The following ENPP7 variants were observed in gnomAD, a reference collection of about 807,000 sequenced individuals.
The protein encoded by ENPP7 is ectonucleotide pyrophosphatase/phosphodiesterase family member 7.
In ENPP7, 39 loss-of-function variants were observed where a neutral mutation model predicts 33.6. That is an observed-to-expected ratio of 1.16 (90% CI 0.90 to 1.52). The LOEUF (loss-of-function observed/expected upper bound fraction) is 1.52, where lower values mean the gene tolerates loss of function less well. Among genes scored for constraint, ENPP7 ranks in the 40% most tolerant of loss-of-function variants. The probability of loss-of-function intolerance (pLI) is 0.00; values close to 1 mark genes in which losing one functional copy is unlikely to be tolerated. For synonymous variants in ENPP7, 244 were observed against 274.3 expected (o/e 0.89, Z 1.09); for missense variants, 594 against 641.0 (o/e 0.93, Z 0.79).
At chr17:79,731,732 T>G (rs557797033) in intron 1 of ENPP7, among the ~76,000 whole-genome samples, 2 of 152,270 alleles carry the variant, frequency 1.3e-5, no homozygotes, top group African/African-American at 4.8e-5. Flanking sequence ...TTCCATCCTT[T>G]CCATTTTCCA....
chr17:79,741,576 C>T (rs1054253364), intron 5 of ENPP7, among the ~76,000 whole-genome samples: 15 of 152,010 alleles, frequency 9.9e-5, no homozygotes, highest in African/African-American at 3.4e-4. Context: ...GCACCTGTGC[C>T]CTCCCAGGAA....
At position 79,738,089 on chromosome 17, in the gene ENPP7, G is replaced by A. The variant is rs782332578; in HGVS notation, c.*16+27G>A. On this transcript the variant is annotated intron_variant, in intron 5 of 5. Coordinates refer to ENST00000328313, the MANE Select transcript of ENPP7 (RefSeq NM_178543.5). The surrounding 1 kb of genome is among the most constrained non-coding windows in gnomAD (Gnocchi z 6.2). ...TCAGAGACCCAGAAGGCAGAGGCGGGAGGGTGGCCCCACGCTCCCTGACCC... is the reference window on the plus strand; with the variant it reads ...TCAGAGACCCAGAAGGCAGAGGCGGAAGGGTGGCCCCACGCTCCCTGACCC... The A allele has an allele frequency of 1.0e-5, 16 of 1,597,860 alleles. No individual in the cohort carries two copies. The highest frequency in any genetic ancestry group is 8.9e-5 in the East Asian group (4 of 44,766).
intron 5 of ENPP7, among the ~76,000 whole-genome samples, chr17:79,741,090 T>G (rs1905490610): frequency 6.6e-6 from 1 of 151,942 alleles, no homozygotes; most frequent in African/African-American, 2.4e-5. Context: ...GCTCAAGCAA[T>G]CCTCCCATCT....
chr17:79,741,367 C>G (rs1009852976), intron 5 of ENPP7, among the ~76,000 whole-genome samples: 1 of 152,206 alleles, frequency 6.6e-6, no homozygotes, highest in Admixed American at 6.5e-5. Context: ...GGAACGGACG[C>G]AGTCCTTGCC....
chr17:79,735,746 CCAGGGT>C lies in ENPP7; in HGVS notation c.1026+79_1026+84del. 1 of 1,324,142 alleles carries C rather than the reference CCAGGGT, an allele frequency of 7.6e-7. No individual in the cohort carries two copies. Among genetic ancestry groups the C allele is most frequent in the Admixed American group, 2.3e-5 (1 of 43,952 alleles). 82.0% of individuals were successfully genotyped at this position (1,324,142 alleles called of 1,614,324 possible). ...GGGTCTTCTTTTTTTTTTTTTGAGA[CCAGGGT>C]CTTGCTCTGTTGCCCAGGCTGGAGT... On this transcript the variant is annotated intron_variant, in intron 3 of 5. Transcript: ENST00000328313. The surrounding 1 kb of genome is among the most constrained non-coding windows in gnomAD (Gnocchi z 5.5).
intron 5 of ENPP7, among the ~76,000 whole-genome samples, chr17:79,741,093 TC>T (rs1339517946): frequency 6.6e-6 from 1 of 152,050 alleles, no homozygotes; most frequent in East Asian, 1.9e-4. Flanking sequence ...CAAGCAATCC[TC>T]CCATCTCAGC....
chr17:79,734,042 A>G (rs1354411889), intron 2 of ENPP7, among the ~76,000 whole-genome samples: 2 of 152,102 alleles, frequency 1.3e-5, no homozygotes, highest in African/African-American at 2.4e-5. Flanking sequence ...TAACAATTAG[A>G]CGACTTTCTC....
At position 79,735,078 on chromosome 17, in the gene ENPP7, G is replaced by A. The variant is rs143305291; in HGVS notation, c.435G>A (p.Gly145=). 6.2e-5 allele frequency: 100 copies of A among 1,613,046 alleles called. 1 individual carries two copies. Among genetic ancestry groups the A allele is most frequent in the Admixed American group, 1.8e-4 (11 of 60,028 alleles). ...LRAGSFFYPG[G]NVTYQGVAVT... is the part of the protein sequence containing the mutation. Reference sequence around the variant, plus strand: ...CTGGCTCCTTCTTCTACCCGGGCGGGAACGTCACCTACCAAGGGGTGGCTG... The same window carrying A: ...CTGGCTCCTTCTTCTACCCGGGCGGAAACGTCACCTACCAAGGGGTGGCTG... Residue 145 remains glycine (G), a synonymous_variant, in exon 3 of 6, where the codon GGG becomes GGA. Transcript: ENST00000328313. The surrounding 1 kb of genome is among the most constrained non-coding windows in gnomAD (Gnocchi z 5.5).
In ENPP7 at chr17:79,735,492, C is replaced by A. The variant is rs149462169; in HGVS notation, c.849C>A (p.Asn283Lys). The change falls in exon 3 of 6, where the codon AAC (asparagine) becomes AAA (lysine). Residue 283 changes from asparagine to lysine, a missense_variant. Physicochemically the swap from Asn to Lys is moderately conservative, Grantham distance 94. Coordinates refer to ENST00000328313, the MANE Select transcript of ENPP7 (RefSeq NM_178543.5). The surrounding 1 kb of genome is among the most constrained non-coding windows in gnomAD (Gnocchi z 5.5). ...IEFELLDYGP[N>K]GMLLPKEGRL... ...TTGAGCTCCTGGACTACGGACCAAA[C>A]GGGATGCTGCTCCCTAAAGAAGGGA... The A allele has an allele frequency of 6.2e-7, 1 of 1,614,076 alleles. No homozygotes were observed. The highest frequency in any genetic ancestry group is 1.1e-5 in the South Asian group (1 of 91,082).
At chr17:79,736,062 C>T (rs2094295138) in intron 3 of ENPP7, among the ~76,000 whole-genome samples, 1 of 152,186 alleles carries the variant, frequency 6.6e-6, no homozygotes. Flanking sequence ...TGCCACCATG[C>T]CTGACTAATT....
chr17:79,736,175 G>A (rs2094295387), intron 3 of ENPP7, among the ~76,000 whole-genome samples: 1 of 152,058 alleles, frequency 6.6e-6, no homozygotes, highest in African/African-American at 2.4e-5. Context: ...AAAGTTATGG[G>A]ATTCAGGTGT....
Position 79,731,211 on chromosome 17 carries a change from A to G in ENPP7, c.72A>G (p.Val24=). 1.9e-6 allele frequency: 3 copies of G among 1,612,436 alleles called. No individual in the cohort carries two copies. The highest frequency in any genetic ancestry group is 2.5e-6 in the Non-Finnish European group (3 of 1,179,932). Residue 24 remains valine (V), a synonymous_variant, in exon 1 of 6, where the codon GTA becomes GTG. Transcript: ENST00000328313. ...TLLAPGAGAP[V]QSQGSQNKLL... ...TGGCTCCCGGGGCCGGAGCACCGGT[A>G]CAAAGTCAGGGCTCCCAGAACAAGC...
Position 79,731,253 on chromosome 17 carries a change from C to A in ENPP7, c.114C>A (p.Phe38Leu). 6.2e-7 allele frequency: 1 copy of A among 1,613,650 alleles called. No homozygotes were observed. The highest frequency in any genetic ancestry group is 8.5e-7 in the Non-Finnish European group (1 of 1,179,986). ...AGAACAAGCTGCTCCTGGTGTCCTT[C>A]GACGGCTTCCGCTGGAACTACGACC... ...GSQNKLLLVSFDGFRWNYDQD... is the reference protein window; with the variant it reads ...GSQNKLLLVSLDGFRWNYDQD... Residue 38 changes from phenylalanine to leucine, a missense_variant, in exon 1 of 6, where the codon TTC becomes TTA. Physicochemically the swap from Phe to Leu is conservative, Grantham distance 22. Transcript: ENST00000328313.
chr17:79,731,567 A>T (rs1555822520), intron 1 of ENPP7, among the ~76,000 whole-genome samples, 175 bp downstream of exon 1: 1 of 138,936 alleles, frequency 7.2e-6, no homozygotes, highest in East Asian at 2.0e-4. Context: ...ACAAAGAAAA[A>T]TGACCAGGGG....
At position 79,735,286 on chromosome 17, in the gene ENPP7, A is replaced by G. The variant is rs1381887341; in HGVS notation, c.643A>G (p.Met215Val). ...CCCCGAGTCCCCGGAGAGGAGGGAG[A>G]TGGTGCGGCAGGTGGACCGGACCGT... is the stretch of plus-strand genomic sequence containing the variant. ...YGPESPERRE[M>V]VRQVDRTVGY... is the part of the protein sequence containing the mutation. Residue 215 changes from methionine to valine, a missense_variant, in exon 3 of 6, where the codon ATG becomes GTG. By Grantham distance (21) the Met-to-Val change is conservative. Around this residue, in one of 3 missense-constraint regions of ENPP7, gnomAD observed 504 missense variants for 512.8 expected, o/e 0.98. Coordinates refer to ENST00000328313, the MANE Select transcript of ENPP7 (RefSeq NM_178543.5). This position sits in a 1 kb window ranked among gnomAD's most constrained non-coding sequence, Gnocchi z 5.5. 1 of 1,613,442 alleles carries G rather than the reference A, an allele frequency of 6.2e-7. No homozygotes were observed. Among genetic ancestry groups the G allele is most frequent in the Non-Finnish European group, 8.5e-7 (1 of 1,180,032 alleles).
Position 79,733,505 on chromosome 17 carries a change from C to G in ENPP7, c.254-3C>G. 6.2e-7 allele frequency: 1 copy of G among 1,612,470 alleles called. No individual in the cohort carries two copies. Among genetic ancestry groups the G allele is most frequent in the Non-Finnish European group, 8.5e-7 (1 of 1,179,462 alleles). ...CCGCCCTCTGCACCTCTTCCTCCCTCAGGCAAATATATCGAGAACCACGGG... is the reference window on the plus strand; with the variant it reads ...CCGCCCTCTGCACCTCTTCCTCCCTGAGGCAAATATATCGAGAACCACGGG... On this transcript the variant is annotated splice_region_variant and splice_polypyrimidine_tract_variant and intron_variant, in intron 1 of 5. Coordinates refer to ENST00000328313, the MANE Select transcript of ENPP7 (RefSeq NM_178543.5).
Position 79,735,687 on chromosome 17 carries a change from G to C in ENPP7, c.1026+18G>C. The C allele has an allele frequency of 1.9e-6, 3 of 1,591,986 alleles. No homozygotes were observed. Among genetic ancestry groups the C allele is most frequent in the Non-Finnish European group, 2.6e-6 (3 of 1,166,678 alleles). The stretch of plus-strand genomic sequence containing the variant: ...TCCATGGGGTGAGTCGCCTGCTGGA[G>C]GCACCACCTCCAGGGGCTCCCTCCC... On this transcript the variant is annotated intron_variant, in intron 3 of 5. Transcript: ENST00000328313. The surrounding 1 kb of genome is among the most constrained non-coding windows in gnomAD (Gnocchi z 5.5).
Position 79,737,864 on chromosome 17 carries a change from TG to T in ENPP7, c.1247-48del. The T allele has an allele frequency of 6.3e-7, 1 of 1,598,578 alleles. No homozygotes were observed. On this transcript the variant is annotated intron_variant, in intron 4 of 5. Coordinates refer to ENST00000328313, the MANE Select transcript of ENPP7 (RefSeq NM_178543.5). The surrounding 1 kb of genome is among the most constrained non-coding windows in gnomAD (Gnocchi z 5.5). ...GACCCCGAGTTTACTGTGGAGAGGCTGGGGTGAGGAGCCATCCCTCTCTCCC... is the reference window on the plus strand; with the variant it reads ...GACCCCGAGTTTACTGTGGAGAGGCTGGGTGAGGAGCCATCCCTCTCTCCC...
rs1555823264 is a variant in ENPP7, at chr17:79,735,214, G to T, written c.571G>T (p.Val191Phe). 5 of 1,613,452 alleles carry T rather than the reference G, an allele frequency of 3.1e-6. No homozygotes were observed. The highest frequency in any genetic ancestry group is 1.6e-4 in the Middle Eastern group (1 of 6,062). ...AWFTEEDLDL[V>F]TLYFGEPDST... ...GTTCACAGAGGAGGACCTGGATCTG[G>T]TCACACTCTACTTCGGGGAGCCGGA... The change falls in exon 3 of 6, where the codon GTC (valine) becomes TTC (phenylalanine). Residue 191 changes from valine to phenylalanine, a missense_variant. By Grantham distance (50) the Val-to-Phe change is conservative. This residue lies in a region of ENPP7 where 504 missense variants were observed against 512.8 expected (regional missense o/e 0.98). Transcript: ENST00000328313. This position sits in a 1 kb window ranked among gnomAD's most constrained non-coding sequence, Gnocchi z 5.5.
Sources: gnomAD v4.1 joint callset for allele counts (sites outside exome capture counted in the v4.1 genomes callset) on GRCh38, gnomAD v4.1.1 for gene constraint, gnomAD v4.1.1 regional missense constraint, Gnocchi (gnomAD v3.1) non-coding constraint, MANE v1.5 for transcripts, NCBI Gene and HGNC (gene_info 2026-07-23, HGNC 2026-07-21) for gene names.